Variants in CNTLN observed in about 807,000 individuals in gnomAD.
CNTLN encodes centlein.
In CNTLN, 212 loss-of-function variants were observed where a neutral mutation model predicts 180.0. The ratio of observed to expected loss-of-function variants is 1.18; its 90% CI spans 1.05 to 1.32. The LOEUF is 1.32. Among genes scored for constraint, CNTLN ranks in the 40% most tolerant of loss-of-function variants. The pLI, the probability that CNTLN is intolerant of heterozygous loss-of-function variation, is 0.00. For missense variants in CNTLN, 2,095 were observed against 1,610.9 expected (o/e 1.30, Z -5.14); for synonymous variants, 722 against 563.1 (o/e 1.28, Z -3.99).
At chr9:17,370,053 G>A in intron 13 of CNTLN, among the ~76,000 whole-genome samples, 1 of 150,844 alleles carries the variant, frequency 6.6e-6, no homozygotes, top group East Asian at 1.9e-4. Context: ...ATGCCTACAA[G>A]ATTAATGAAA....
At chr9:17,179,284 T>C (rs1318731408) in intron 2 of CNTLN, among the ~76,000 whole-genome samples, 1 of 151,364 alleles carries the variant, frequency 6.6e-6, no homozygotes, top group African/African-American at 2.4e-5. Context: ...AGATTATTGA[T>C]TTGAGATTTT....
intron 5 of CNTLN, among the ~76,000 whole-genome samples, chr9:17,263,522 T>C (rs1271061731): frequency 2.0e-5 from 3 of 151,702 alleles, no homozygotes; most frequent in Admixed American, 6.6e-5. Context: ...TGTGTCTTTA[T>C]AGCAGCATGA....
chr9:17,311,730 A>G (rs930842333), intron 8 of CNTLN, among the ~76,000 whole-genome samples: 2 of 151,986 alleles, frequency 1.3e-5, no homozygotes, highest in African/African-American at 4.8e-5. Context: ...AATTGCTCCA[A>G]CGTGGGAGGC....
chr9:17,436,370 C>A (rs908366764), intron 18 of CNTLN, among the ~76,000 whole-genome samples: 5 of 152,126 alleles, frequency 3.3e-5, no homozygotes, highest in African/African-American at 1.2e-4. Context: ...AGAATTTGAG[C>A]TTTCAAATTT....
At chr9:17,408,019 C>A (rs140025745) in intron 15 of CNTLN, among the ~76,000 whole-genome samples, 1 of 145,362 alleles carries the variant, frequency 6.9e-6, no homozygotes, top group Non-Finnish European at 1.5e-5. Context: ...CCCAGCTACT[C>A]GGGAGGCTGA....
the CNTLN span, among the ~76,000 whole-genome samples, chr9:17,510,098 C>A: frequency 6.6e-6 from 1 of 151,976 alleles, no homozygotes; most frequent in Non-Finnish European, 1.5e-5. Flanking sequence ...TGGTTAAAGT[C>A]AATGAAAAAC....
At chr9:17,244,843 T>C in intron 5 of CNTLN, among the ~76,000 whole-genome samples, 1 of 152,226 alleles carries the variant, frequency 6.6e-6, no homozygotes, top group African/African-American at 2.4e-5. Flanking sequence ...GAGGCTTGCA[T>C]GTACTGTTTT....
chr9:17,490,103 A>C (rs150615937), intron 25 of CNTLN, among the ~76,000 whole-genome samples: 2 of 152,282 alleles, frequency 1.3e-5, no homozygotes, highest in African/African-American at 4.8e-5. Flanking sequence ...TAGAAATAGG[A>C]AAAGTAGGCT....
At chr9:17,421,867 A>G (rs2133926910) in intron 18 of CNTLN, among the ~76,000 whole-genome samples, 1 of 152,312 alleles carries the variant, frequency 6.6e-6, no homozygotes, top group South Asian at 2.1e-4. Context: ...TACACTCTCC[A>G]TTTTAACTTG....
intron 5 of CNTLN, among the ~76,000 whole-genome samples, chr9:17,265,747 T>A (rs1167532717): frequency 1.3e-5 from 2 of 152,212 alleles, no homozygotes; most frequent in Non-Finnish European, 2.9e-5. Flanking sequence ...AGACTCAACT[T>A]CTTCCTGGTT....
chr9:17,338,838 C>T (rs1304213675), intron 10 of CNTLN, among the ~76,000 whole-genome samples: 1 of 152,068 alleles, frequency 6.6e-6, no homozygotes, highest in Non-Finnish European at 1.5e-5. Flanking sequence ...GTAACTAGAT[C>T]AAAGTAAAAT....
At chr9:17,268,430 G>A (rs552128576) in intron 5 of CNTLN, among the ~76,000 whole-genome samples, 18 of 152,250 alleles carry the variant, frequency 1.2e-4, no homozygotes, top group Admixed American at 2.6e-4. Flanking sequence ...GCCATGTGAG[G>A]TGTCTGTCAG....
At chr9:17,326,074 A>G (rs906054332) in intron 8 of CNTLN, among the ~76,000 whole-genome samples, 2 of 152,080 alleles carry the variant, frequency 1.3e-5, no homozygotes, top group African/African-American at 4.8e-5. Flanking sequence ...TCTATTTAAT[A>G]TATATCTTCT....
intron 10 of CNTLN, among the ~76,000 whole-genome samples, chr9:17,340,401 C>T (rs1302884610): frequency 6.6e-6 from 1 of 152,004 alleles, no homozygotes; most frequent in Non-Finnish European, 1.5e-5. Flanking sequence ...AATTCATGTG[C>T]TAAATAATTG....
chr9:17,326,446 C>G (rs571612386), intron 8 of CNTLN, among the ~76,000 whole-genome samples: 16 of 151,516 alleles, frequency 1.1e-4, no homozygotes, highest in African/African-American at 3.9e-4. Context: ...TAAAGCAGCC[C>G]TTAAAAAGGT....
At chr9:17,354,736 G>A (rs916261161) in intron 12 of CNTLN, among the ~76,000 whole-genome samples, 9 of 152,104 alleles carry the variant, frequency 5.9e-5, no homozygotes, top group Non-Finnish European at 1.2e-4. Flanking sequence ...GGCCAGATAA[G>A]AGAATAAAAG....
At chr9:17,341,846 A>G (rs897219729) in intron 11 of CNTLN, among the ~76,000 whole-genome samples, 1 of 152,182 alleles carries the variant, frequency 6.6e-6, no homozygotes, top group Non-Finnish European at 1.5e-5. Flanking sequence ...AGTTTGTCCT[A>G]GATTTATCCT....
At chr9:17,504,961 A>G (rs1394968386), downstream of CNTLN, among the ~76,000 whole-genome samples, 1 of 152,162 alleles carries the variant, frequency 6.6e-6, no homozygotes, top group Non-Finnish European at 1.5e-5. Context: ...AACAAATAGA[A>G]TTTGCCAGAA....
intron 5 of CNTLN, among the ~76,000 whole-genome samples, chr9:17,239,272 T>C (rs1458959956): frequency 1.3e-5 from 2 of 152,194 alleles, no homozygotes; most frequent in African/African-American, 4.8e-5. Context: ...TGGTTTTGAT[T>C]TGCATTTTCC....
Sources: gnomAD v4.1 joint callset for allele counts (sites outside exome capture counted in the v4.1 genomes callset) on GRCh38, gnomAD v4.1.1 for gene constraint, MANE v1.5 for transcripts, NCBI Gene and HGNC (gene_info 2026-07-23, HGNC 2026-07-21) for gene names.